GAB2: variants seen among roughly 807,000 people sequenced by gnomAD.
The protein encoded by GAB2 is GRB2 associated binding protein 2.
A neutral mutation model predicts 65.5 loss-of-function variants in GAB2; 26 were observed. The ratio of observed to expected loss-of-function variants is 0.40; its 90% confidence interval spans 0.29 to 0.55. GAB2 has a LOEUF of 0.55. Ranked by LOEUF, GAB2 falls within the 20% of genes least tolerant of loss-of-function variation. The pLI, the probability that GAB2 is intolerant of heterozygous loss-of-function variation, is 0.53. For synonymous variants in GAB2, 321 were observed against 329.6 expected, an observed-to-expected ratio of 0.97 and a Z score of 0.28; for missense variants, 884 against 875.8, an observed-to-expected ratio of 1.01 and a Z score of -0.12.
chr11:78,383,779 C>CA (rs914905699), intron 1 of GAB2, among the ~76,000 whole-genome samples: 3 of 151,940 alleles, frequency 2.0e-5, no homozygotes, highest in Non-Finnish European at 2.9e-5. Flanking sequence ...TGAATGGCCA[C>CA]AGACCTCGTC....
At chr11:78,231,370 T>TGTGC (rs71046960) in intron 3 of GAB2, among the ~76,000 whole-genome samples, 1 of 151,434 alleles carries the variant, frequency 6.6e-6, no homozygotes, top group Non-Finnish European at 1.5e-5. Flanking sequence ...TGTGTGTGTG[T>TGTGC]CGGAGTCTCA....
chr11:78,401,152 A>C (rs1856966602), intron 1 of GAB2, among the ~76,000 whole-genome samples: 1 of 152,058 alleles, frequency 6.6e-6, no homozygotes. Flanking sequence ...CAGAATACAA[A>C]ATTTATCATC....
intron 1 of GAB2, among the ~76,000 whole-genome samples, chr11:78,361,132 A>G (rs1248180174): frequency 1.3e-5 from 2 of 152,222 alleles, no homozygotes; most frequent in African/African-American, 4.8e-5. Context: ...CCTCAAATCC[A>G]TGGGAAAGAT....
At chr11:78,222,514 A>G (rs964215561) in intron 6 of GAB2, among the ~76,000 whole-genome samples, 1 of 148,398 alleles carries the variant, frequency 6.7e-6, no homozygotes, top group Non-Finnish European at 1.5e-5. Flanking sequence ...ATAAAAGACT[A>G]TATATAAAAT....
chr11:78,271,007 G>A (rs1357473849), intron 2 of GAB2, among the ~76,000 whole-genome samples: 2 of 152,202 alleles, frequency 1.3e-5, no homozygotes, highest in Non-Finnish European at 2.9e-5. Flanking sequence ...GCAGGCCCTA[G>A]AATAGCTACT....
intron 1 of GAB2, among the ~76,000 whole-genome samples, chr11:78,389,945 A>G (rs1452562943): frequency 6.9e-6 from 1 of 144,194 alleles, no homozygotes; most frequent in Non-Finnish European, 1.5e-5. Context: ...TTGTACATGG[A>G]TAAGATAATA....
intron 1 of GAB2, among the ~76,000 whole-genome samples, chr11:78,293,455 C>T (rs897471226): frequency 1.3e-5 from 2 of 152,054 alleles, no homozygotes; most frequent in Non-Finnish European, 2.9e-5. Flanking sequence ...GGGAAAAAAA[C>T]CTCTCAGTCA....
intron 1 of GAB2, among the ~76,000 whole-genome samples, chr11:78,342,703 T>C (rs1407308630): frequency 6.6e-6 from 1 of 152,184 alleles, no homozygotes; most frequent in East Asian, 1.9e-4. Context: ...CCACCGCGCC[T>C]GGCCTGCACT....
chr11:78,413,222 C>T (rs1364820425), intron 1 of GAB2, among the ~76,000 whole-genome samples: 2 of 152,246 alleles, frequency 1.3e-5, no homozygotes, highest in East Asian at 1.9e-4. Flanking sequence ...TTGATGACCA[C>T]CATGCAAATG....
At chr11:78,291,572 T>TTC (rs1866681863) in intron 1 of GAB2, among the ~76,000 whole-genome samples, 1 of 117,528 alleles carries the variant, frequency 8.5e-6, no homozygotes, top group Admixed American at 8.5e-5. Context: ...TTTTTTTTTT[T>TTC]TTTTTTTTTT....
Position 78,301,134 on chromosome 11 carries a change from T to C in GAB2, c.76-20233A>G, listed in dbSNP as rs1396837951. Reference sequence around the variant, plus strand: ...TTTAGAATTAATTTTGGGGGTATTATTGAGTTATAAGTCCTTTACATATTC... The same window carrying C: ...TTTAGAATTAATTTTGGGGGTATTACTGAGTTATAAGTCCTTTACATATTC... On this transcript the variant is annotated intron_variant, in intron 1 of 9. Transcript: ENST00000361507. Among the ~76,000 whole-genome samples the C allele has an allele frequency of 2.0e-5, 3 of 152,174 alleles. No homozygotes were observed. In the East Asian group the frequency reaches 5.8e-4, roughly 29 times the overall value.
chr11:78,283,475 A>T (rs1194749323), intron 1 of GAB2, among the ~76,000 whole-genome samples: 3 of 152,162 alleles, frequency 2.0e-5, no homozygotes, highest in African/African-American at 7.2e-5. Flanking sequence ...TTCTTCACCA[A>T]CTATGGCCCA....
At chr11:78,250,424 G>C (rs1865421574) in intron 2 of GAB2, 24 bp from the exon 3 acceptor site, 1 of 1,604,278 alleles carries the variant, frequency 6.2e-7, no homozygotes, top group Non-Finnish European at 8.5e-7. Context: ...ATAGCTCTGT[G>C]AATGAAAAAG....
rs145169181 is a variant in GAB2 at position 78,321,522 on chromosome 11, G to A, written c.76-40621C>T. Among the ~76,000 whole-genome samples the A allele has an allele frequency of 1.8e-3, 268 of 152,240 alleles. 1 individual carries two copies. The highest frequency in any genetic ancestry group is 5.8e-3 in the African/African-American group (241 of 41,526). On this transcript the variant is annotated intron_variant, in intron 1 of 9. Transcript: ENST00000361507. ...GGAGTGCAGTATGTGTTCAGTAAGC[G>A]GAGAAATGGTTCCTGTAATTAAGAG... is the stretch of plus-strand genomic sequence containing the variant.
rs536589120 is a variant in GAB2 at position 78,391,814 on chromosome 11, T to G, written c.75+25832A>C. Among the ~76,000 whole-genome samples, 5 of 152,306 alleles carry G rather than the reference T, an allele frequency of 3.3e-5. No individual in the cohort carries two copies. In the South Asian group the frequency reaches 1.0e-3, roughly 32 times the overall value. ...CTCTGAATTCCTGACCCACACAATC[T>G]GTGAGTAAAATAAAATGGTTACCTT... On this transcript the variant is annotated intron_variant, in intron 1 of 9. Coordinates refer to ENST00000361507, the MANE Select transcript of GAB2 (RefSeq NM_080491.3).
chr11:78,285,240 C>A (rs1660977275), intron 1 of GAB2, among the ~76,000 whole-genome samples: 1 of 152,208 alleles, frequency 6.6e-6, no homozygotes, highest in African/African-American at 2.4e-5. Context: ...GTCCCCAAAT[C>A]TCTGGTATGC....
chr11:78,293,049 G>A (rs1365858764), intron 1 of GAB2, among the ~76,000 whole-genome samples: 1 of 152,198 alleles, frequency 6.6e-6, no homozygotes, highest in Admixed American at 6.5e-5. Flanking sequence ...ACTGGCCACA[G>A]AGTTTATGAA....
chr11:78,294,569 C>T (rs1488805063), intron 1 of GAB2, among the ~76,000 whole-genome samples: 2 of 152,182 alleles, frequency 1.3e-5, no homozygotes, highest in African/African-American at 4.8e-5. Context: ...ACATCCTCTC[C>T]AGCACCTGTT....
chr11:78,343,881 TG>T (rs1856140312), intron 1 of GAB2, among the ~76,000 whole-genome samples: 1 of 152,160 alleles, frequency 6.6e-6, no homozygotes, highest in Admixed American at 6.5e-5. Flanking sequence ...ATTTGATACT[TG>T]CAGCACATCT....
Sources: gnomAD v4.1 joint callset for allele counts (sites outside exome capture counted in the v4.1 genomes callset) on GRCh38, gnomAD v4.1.1 for gene constraint, MANE v1.5 for transcripts, NCBI Gene and HGNC (gene_info 2026-07-23, HGNC 2026-07-21) for gene names.